Variants in TBCD observed in about 807,000 individuals in gnomAD.
TBCD encodes tubulin folding cofactor D, also known as tubulin-specific chaperone D.
Under a neutral mutation model 169.3 loss-of-function variants are expected in TBCD, and 105 were observed. The ratio of observed to expected loss-of-function variants is 0.62; its 90% CI spans 0.53 to 0.73. The LOEUF is 0.73. Among genes scored for constraint, TBCD ranks in the 30% least tolerant of loss-of-function variants. The pLI, the probability that TBCD is intolerant of heterozygous loss-of-function variation, is 0.00. For missense variants in TBCD, 1,444 were observed against 1,600.1 expected, an observed-to-expected ratio of 0.90 and a Z score of 1.66; for synonymous variants, 700 against 643.9, an observed-to-expected ratio of 1.09 and a Z score of -1.32.
At position 82,884,163 on chromosome 17, in the gene TBCD, G is replaced by A. The variant is rs201546188; in HGVS notation, c.1494G>A (p.Ala498=). Residue 498 remains alanine (A), a synonymous_variant, in exon 15 of 39, where the codon GCG becomes GCA. Coordinates refer to ENST00000355528, the MANE Select transcript of TBCD (RefSeq NM_005993.5). This position sits in a 1 kb window ranked among gnomAD's most constrained non-coding sequence, Gnocchi z 4.2. ...TAISSALVIA[A]VFDRDINCRR... ...TTCACAGTGCACTGGTGATTGCTGCGGTGTTTGACCGAGACATAAACTGCA... is the reference window on the plus strand; with the variant it reads ...TTCACAGTGCACTGGTGATTGCTGCAGTGTTTGACCGAGACATAAACTGCA... The A allele has an allele frequency of 1.9e-5, 31 of 1,610,674 alleles. No individual in the cohort carries two copies. The highest frequency in any genetic ancestry group is 3.3e-4 in the Middle Eastern group (2 of 6,058).
intron 13 of TBCD, among the ~76,000 whole-genome samples, chr17:82,866,810 A>C (rs1308812381): frequency 6.6e-6 from 1 of 152,232 alleles, no homozygotes; most frequent in Non-Finnish European, 1.5e-5. Flanking sequence ...CTCTGTCCAC[A>C]GCTGGGGACA....
rs374267988 is a variant in TBCD at position 82,929,412 on chromosome 17, G to A, written c.2903G>A (p.Arg968His). Residue 968 changes from arginine to histidine, a missense_variant, in exon 32 of 39, where the codon CGC becomes CAC. Arg to His is a conservative substitution (Grantham distance 29, BLOSUM62 0). Coordinates refer to ENST00000355528, the MANE Select transcript of TBCD (RefSeq NM_005993.5). The stretch of plus-strand genomic sequence containing the variant: ...AGTGCACCTTCCCAGGCCTTCCCAC[G>A]CATCACCCAGCTCCTTGGGCTGCCC... Reference protein sequence around the residue: ...NWSAPSQAFPRITQLLGLPTY... With the variant: ...NWSAPSQAFPHITQLLGLPTY... 1.1e-5 allele frequency: 17 copies of A among 1,612,696 alleles called. No homozygotes were observed. In the African/African-American group the frequency reaches 1.5e-4, roughly 14 times the overall value.
Position 82,805,990 on chromosome 17 carries a change from G to T in TBCD, c.1066G>T (p.Glu356Ter). 6.2e-7 allele frequency: 1 copy of T among 1,613,788 alleles called. No individual in the cohort carries two copies. The highest frequency in any genetic ancestry group is 8.5e-7 in the Non-Finnish European group (1 of 1,179,742). Residue 356 changes from glutamate (E) to a stop codon, truncating the protein, a stop_gained, in exon 10 of 39, where the codon GAG becomes TAG. Coordinates refer to ENST00000355528, the MANE Select transcript of TBCD (RefSeq NM_005993.5). LOFTEE classifies it high-confidence loss of function. Reference protein sequence around the residue: ...EDDDEDDDVPEGVERVIEQLL... With the variant: ...EDDDEDDDVP ...TGACGACGAAGATGACGACGTCCCA[G>T]AGGGGGTGGAGCGTGTGATAGGTGC...
chr17:82,781,996 G>A (rs888338422), intron 7 of TBCD, among the ~76,000 whole-genome samples: 2 of 152,212 alleles, frequency 1.3e-5, no homozygotes, highest in African/African-American at 4.8e-5. Context: ...GCTCCCCAGG[G>A]TAGGTTTCTC....
intron 13 of TBCD, chr17:82,840,562 G>C (rs1251967927): frequency 6.6e-6 from 1 of 152,280 alleles, no homozygotes; most frequent in Non-Finnish European, 1.5e-5. Context: ...AGCTGAGCCG[G>C]CAGGGAGGGA....
At chr17:82,828,779 A>G (rs2053192448) in intron 13 of TBCD, among the ~76,000 whole-genome samples, 1 of 150,308 alleles carries the variant, frequency 6.7e-6, no homozygotes, top group African/African-American at 2.5e-5. Flanking sequence ...TCAGATGTGC[A>G]CCCCCACACA....
intron 13 of TBCD, among the ~76,000 whole-genome samples, chr17:82,840,953 GGT>G (rs1491350575): frequency 0.051 from 3,586 of 70,438 alleles, 1,263 homozygotes; most frequent in African/African-American, 0.11. Flanking sequence ...CAGACAAACT[GGT>G]TTTTTTTTTT....
At position 82,807,487 on chromosome 17, in the gene TBCD, ATTG is replaced by A. The variant is rs1456046187; in HGVS notation, c.1088-118_1088-116del. ...TTCTTTTCCTGTCATTAAAATTAAT[ATTG>A]TTAATGTAATTCCCTTCGGCGTGTG... On this transcript the variant is annotated intron_variant, in intron 10 of 38. Transcript: ENST00000355528. 10 of 529,190 alleles carry A rather than the reference ATTG, an allele frequency of 1.9e-5. No homozygotes were observed. The East Asian group carries it at 3.5e-4, about 19-fold the overall frequency. 32.8% of individuals were successfully genotyped at this position (529,190 alleles called of 1,614,324 possible). A position where few individuals can be genotyped will look rare whatever the true frequency, so the allele number is the denominator to read the frequency against.
intron 23 of TBCD, among the ~76,000 whole-genome samples, chr17:82,919,030 G>T (rs2061251159): frequency 6.6e-6 from 1 of 152,200 alleles, no homozygotes; most frequent in Admixed American, 6.5e-5. Context: ...AATCCTCGAA[G>T]AAATTTTAGG....
rs1347638638 is a variant in TBCD, at chr17:82,752,306, C to T, written c.113C>T (p.Ala38Val). 2 of 1,492,890 alleles carry T rather than the reference C, an allele frequency of 1.3e-6. No homozygotes were observed. Among genetic ancestry groups the T allele is most frequent in the East Asian group, 5.7e-5 (2 of 35,282 alleles). 92.5% of individuals were successfully genotyped at this position (1,492,890 alleles called of 1,614,324 possible). A position where few individuals can be genotyped will look rare whatever the true frequency, so the allele number is the denominator to read the frequency against. Residue 38 changes from alanine to valine, a missense_variant, in exon 1 of 39, where the codon GCG (alanine) becomes GTG (valine). By Grantham distance (64) the Ala-to-Val change is moderately conservative (BLOSUM62 0). Transcript: ENST00000355528. ...EAFGESAETR[A>V]LLGRLREVHG... ...TTCGGCGAGAGCGCGGAGACCCGGGCGCTGCTGGGCCGCCTGCGGGAGGTG... is the reference window on the plus strand; with the variant it reads ...TTCGGCGAGAGCGCGGAGACCCGGGTGCTGCTGGGCCGCCTGCGGGAGGTG...
intron 13 of TBCD, among the ~76,000 whole-genome samples, chr17:82,847,417 T>G (rs1487516475): frequency 6.7e-6 from 1 of 149,844 alleles, no homozygotes; most frequent in Middle Eastern, 3.2e-3. Flanking sequence ...TTTTACTGAC[T>G]GTGTCAGACA....
At chr17:82,829,108 C>G (rs867004254) in intron 13 of TBCD, among the ~76,000 whole-genome samples, 1 of 150,766 alleles carries the variant, frequency 6.6e-6, no homozygotes, top group African/African-American at 2.4e-5. Context: ...ATGCGCACCC[C>G]CCACAGATAT....
chr17:82,830,629 T>C (rs2053411291), intron 13 of TBCD: 1 of 1,613,846 alleles, frequency 6.2e-7, no homozygotes, highest in Non-Finnish European at 8.5e-7. Flanking sequence ...CCTCGGAGCC[T>C]GGGTGTTACA....
At chr17:82,924,181 T>G (rs1444593420) in intron 26 of TBCD, among the ~76,000 whole-genome samples, 1 of 152,230 alleles carries the variant, frequency 6.6e-6, no homozygotes. Flanking sequence ...ATCGAACTCC[T>G]GACCTCAGGT....
chr17:82,926,855 CAA>C, intron 28 of TBCD: 1 of 496,694 alleles, frequency 2.0e-6, no homozygotes, highest in Admixed American at 3.6e-5. Flanking sequence ...TGCAGGCACA[CAA>C]GAGGAGCAGT....
chr17:82,801,876 C>T (rs558612573), intron 9 of TBCD, among the ~76,000 whole-genome samples: 193 of 130,622 alleles, frequency 1.5e-3, no homozygotes, highest in Non-Finnish European at 2.0e-3. Context: ...GCGTCGTGTG[C>T]GTCGTGTGGT....
At chr17:82,841,112 T>A (rs1598855097) in intron 13 of TBCD, among the ~76,000 whole-genome samples, 1 of 150,986 alleles carries the variant, frequency 6.6e-6, no homozygotes, top group African/African-American at 2.4e-5. Flanking sequence ...CCGGCTAATT[T>A]TTTGTATTTT....
chr17:82,890,408 G>A lies in TBCD; in HGVS notation c.1563+711G>A. ...CGGACAGCAAAGCAAATGCAGCCGG[G>A]GTCTGGGCTGTGGCCAGGTGGTGTG... On this transcript the variant is annotated intron_variant, in intron 16 of 38. Coordinates refer to ENST00000355528, the MANE Select transcript of TBCD (RefSeq NM_005993.5). This position sits in a 1 kb window ranked among gnomAD's most constrained non-coding sequence, Gnocchi z 5.3. Among the ~76,000 whole-genome samples, 1 of 152,208 alleles carries A rather than the reference G, an allele frequency of 6.6e-6. No individual in the cohort carries two copies. Among genetic ancestry groups the A allele is most frequent in the East Asian group, 1.9e-4 (1 of 5,196 alleles).
At chr17:82,937,081 G>C (rs2062694281) in intron 34 of TBCD, 190 bp from the exon 35 acceptor site, 1 of 583,384 alleles carries the variant, frequency 1.7e-6, no homozygotes, top group Admixed American at 3.0e-5. Context: ...ACAGCCGCTA[G>C]GGACCAGGCC....
Sources: allele counts gnomAD v4.1 joint callset (sites outside exome capture counted in the v4.1 genomes callset), GRCh38; gene constraint gnomAD v4.1.1; non-coding constraint Gnocchi (gnomAD v3.1); transcripts MANE v1.5; gene names NCBI Gene and HGNC (gene_info 2026-07-23, HGNC 2026-07-21).